PDE3A: variants seen among roughly 807,000 people sequenced by gnomAD.
PDE3A encodes the protein phosphodiesterase 3A.
PDE3A carries 43 observed loss-of-function variants against 98.3 expected under a neutral mutation model. That is an observed-to-expected ratio of 0.44 (90% confidence interval 0.34 to 0.56). The LOEUF (loss-of-function observed/expected upper bound fraction) is 0.56, where lower values mean the gene tolerates loss of function less well. Ranked by LOEUF, PDE3A falls within the 20% of genes least tolerant of loss-of-function variation. PDE3A has a pLI of 0.01. For synonymous variants in PDE3A, 663 were observed against 567.9 expected (o/e 1.17, Z -2.38); for missense variants, 1,427 against 1,440.7 (o/e 0.99, Z 0.15).
intron 1 of PDE3A, among the ~76,000 whole-genome samples, chr12:20,492,188 C>T (rs952700295): frequency 2.6e-5 from 4 of 152,130 alleles, no homozygotes; most frequent in Non-Finnish European, 5.9e-5. Context: ...ACCACGTTGT[C>T]CAAGCTGGTC....
At chr12:20,501,431 A>G (rs1214339997) in intron 1 of PDE3A, among the ~76,000 whole-genome samples, 2 of 152,180 alleles carry the variant, frequency 1.3e-5, no homozygotes, top group East Asian at 3.9e-4. Flanking sequence ...GGAAGTATAC[A>G]TGATTGAGCA....
intron 3 of PDE3A, among the ~76,000 whole-genome samples, chr12:20,615,413 GTTACA>G (rs1361834004): frequency 6.6e-6 from 1 of 152,118 alleles, no homozygotes; most frequent in Non-Finnish European, 1.5e-5. Context: ...TGTTGTCTAA[GTTACA>G]TTAATCATAA....
intron 2 of PDE3A, among the ~76,000 whole-genome samples, chr12:20,578,503 ACACACG>A (rs1434124762): frequency 6.9e-6 from 1 of 144,712 alleles, no homozygotes; most frequent in Non-Finnish European, 1.5e-5. Flanking sequence ...ACACACACAC[ACACACG>A]TAGTACTCAC....
chr12:20,680,938 T>G lies in PDE3A; in HGVS notation c.*667T>G, dbSNP rs1347686228. Reference sequence around the variant, plus strand: ...CATGTGTGTGCATATGTAAAGAGATTTTTGTGGTTTAAGTAACTCAGAATA... The same window carrying G: ...CATGTGTGTGCATATGTAAAGAGATGTTTGTGGTTTAAGTAACTCAGAATA... On this transcript the variant is annotated 3_prime_UTR_variant, in exon 16 of 16. Coordinates refer to ENST00000359062, the MANE Select transcript of PDE3A (RefSeq NM_000921.5). 2.6e-5 allele frequency: 4 copies of G among 151,566 alleles called. No homozygotes were observed. Among genetic ancestry groups the G allele is most frequent in the African/African-American group, 9.7e-5 (4 of 41,152 alleles). 9.4% of individuals were successfully genotyped at this position (151,566 alleles called of 1,614,324 possible).
rs367826058 is a variant in PDE3A, at chr12:20,554,121, GTTAAT to G, written c.961-2536_961-2532del. 5.3e-3 allele frequency among the ~76,000 whole-genome samples: 792 copies of G among 150,192 alleles called. 8 individuals carry two copies. Among genetic ancestry groups the G allele is most frequent in the African/African-American group, 0.019 (763 of 41,040 alleles). Reference sequence around the variant, plus strand: ...TTGTATTTTTTTTTTGAAAGGGTTTGTTAATTTTTCTAATTTTACCAAAGTTTGCA... The same window carrying G: ...TTGTATTTTTTTTTTGAAAGGGTTTGTTTTCTAATTTTACCAAAGTTTGCA... On this transcript the variant is annotated intron_variant, in intron 1 of 15. Transcript: ENST00000359062.
At chr12:20,466,613 A>G (rs2120948090) in intron 1 of PDE3A, among the ~76,000 whole-genome samples, 1 of 152,298 alleles carries the variant, frequency 6.6e-6, no homozygotes, top group Non-Finnish European at 1.5e-5. Context: ...ATTATTTTTA[A>G]GTGTCTCATA....
intron 1 of PDE3A, among the ~76,000 whole-genome samples, chr12:20,497,261 A>G (rs989252858): frequency 6.6e-6 from 1 of 152,132 alleles, no homozygotes; most frequent in Non-Finnish European, 1.5e-5. Context: ...AACATAACTT[A>G]TCTCAATTGA....
At chr12:20,562,427 C>T (rs1324640784) in intron 2 of PDE3A, among the ~76,000 whole-genome samples, 1 of 151,808 alleles carries the variant, frequency 6.6e-6, no homozygotes. Flanking sequence ...ACCATTTTGG[C>T]CAGCATGATT....
chr12:20,556,299 G>A (rs998828621), intron 1 of PDE3A, among the ~76,000 whole-genome samples: 2 of 152,002 alleles, frequency 1.3e-5, no homozygotes, highest in African/African-American at 4.8e-5. Context: ...ATTTGCGGCA[G>A]TAGATTTAAC....
intron 1 of PDE3A, among the ~76,000 whole-genome samples, chr12:20,464,044 TTAATGA>T (rs1234332174): frequency 6.6e-6 from 1 of 152,196 alleles, no homozygotes; most frequent in Non-Finnish European, 1.5e-5. Context: ...GTTTAGGTTG[TTAATGA>T]TAATGTTTAC....
At chr12:20,451,735 C>T (rs981707368) in intron 1 of PDE3A, among the ~76,000 whole-genome samples, 3 of 152,150 alleles carry the variant, frequency 2.0e-5, no homozygotes, top group South Asian at 2.1e-4. Flanking sequence ...ACACGGCACC[C>T]CAGCATCTAG....
intron 1 of PDE3A, among the ~76,000 whole-genome samples, chr12:20,424,943 G>A (rs1372313311): frequency 6.6e-6 from 1 of 152,174 alleles, no homozygotes; most frequent in Non-Finnish European, 1.5e-5. Flanking sequence ...TGAGGACTTG[G>A]CATACTCAGG....
At chr12:20,379,579 A>G (rs1270708889) in intron 1 of PDE3A, among the ~76,000 whole-genome samples, 1 of 151,788 alleles carries the variant, frequency 6.6e-6, no homozygotes, top group Non-Finnish European at 1.5e-5. Flanking sequence ...ATTCTGGCCC[A>G]GTGTCTTGCT....
chr12:20,378,329 C>T (rs975322125), intron 1 of PDE3A, among the ~76,000 whole-genome samples: 26 of 151,496 alleles, frequency 1.7e-4, no homozygotes, highest in Non-Finnish European at 3.3e-4. Context: ...TAACAATAGC[C>T]GTAATTCCAA....
At chr12:20,556,504 T>A (rs1942371802) in intron 1 of PDE3A, among the ~76,000 whole-genome samples, 156 bp from the exon 2 acceptor site, 1 of 152,006 alleles carries the variant, frequency 6.6e-6, no homozygotes, top group East Asian at 1.9e-4. Flanking sequence ...AAACCAGGAG[T>A]TTGCTACTAA....
intron 1 of PDE3A, among the ~76,000 whole-genome samples, chr12:20,517,025 G>C (rs145237572): frequency 6.6e-6 from 1 of 152,186 alleles, no homozygotes; most frequent in South Asian, 2.1e-4. Context: ...AGATTTGCTC[G>C]TGTCTCACAG....
intron 15 of PDE3A, among the ~76,000 whole-genome samples, chr12:20,668,672 G>C (rs1426988237): frequency 2.0e-5 from 3 of 150,296 alleles, no homozygotes; most frequent in Admixed American, 1.3e-4. Flanking sequence ...CAAACAGAAA[G>C]GACATCCACA....
intron 8 of PDE3A, among the ~76,000 whole-genome samples, chr12:20,635,884 G>A (rs1367368795): frequency 2.0e-5 from 3 of 151,694 alleles, no homozygotes; most frequent in African/African-American, 4.8e-5. Flanking sequence ...AGCATTATTG[G>A]TCTCTTAATG....
intron 2 of PDE3A, chr12:20,556,916 T>A: frequency 1.6e-6 from 1 of 612,982 alleles, no homozygotes. Context: ...AAGAGCTTTC[T>A]GGTATCCCAG....
Sources: allele counts gnomAD v4.1 joint callset (sites outside exome capture counted in the v4.1 genomes callset), GRCh38; gene constraint gnomAD v4.1.1; transcripts MANE v1.5; gene names NCBI Gene and HGNC (gene_info 2026-07-23, HGNC 2026-07-21).